Variants in ZFHX3 observed in about 807,000 individuals in gnomAD.
ZFHX3 encodes the protein zinc finger homeobox 3, also known as zinc finger homeobox protein 3.
A neutral mutation model predicts 279.1 loss-of-function variants in ZFHX3; 42 were observed. That is an observed-to-expected ratio of 0.15 (90% CI 0.12 to 0.19). The LOEUF is 0.19. ZFHX3 is among the 10% of genes least tolerant of loss of function. The pLI is 1.00. For missense variants in ZFHX3, 4,981 were observed against 4,754.0 expected (o/e 1.05, Z -1.40); for synonymous variants, 2,293 against 1,957.8 (o/e 1.17, Z -4.52).
intron 2 of ZFHX3, among the ~76,000 whole-genome samples, chr16:73,505,648 C>T (rs1246023716): frequency 6.6e-6 from 1 of 152,084 alleles, no homozygotes. Context: ...CTAAAGGAGC[C>T]GACACTTAAT....
intron 4 of ZFHX3, among the ~76,000 whole-genome samples, chr16:73,307,246 G>A (rs1250650848): frequency 6.6e-6 from 1 of 152,184 alleles, no homozygotes; most frequent in Admixed American, 6.6e-5. Flanking sequence ...TGGGCTTCCT[G>A]CCTGCTGAAT....
At chr16:73,770,213 A>C (rs1158382960) in intron 1 of ZFHX3, among the ~76,000 whole-genome samples, 3 of 152,230 alleles carry the variant, frequency 2.0e-5, no homozygotes, top group Non-Finnish European at 2.9e-5. Context: ...TGACTTAAGA[A>C]TCAGAGTCAG....
intron 5 of ZFHX3, among the ~76,000 whole-genome samples, chr16:72,818,939 C>T (rs1040233195): frequency 6.6e-6 from 1 of 152,222 alleles, no homozygotes; most frequent in African/African-American, 2.4e-5. Flanking sequence ...TTATACTACA[C>T]ATAGGTATAA....
intron 3 of ZFHX3, among the ~76,000 whole-genome samples, chr16:72,915,827 G>A (rs1273416880): frequency 1.3e-5 from 2 of 151,924 alleles, no homozygotes; most frequent in Non-Finnish European, 2.9e-5. Context: ...TTTATAAAAT[G>A]CAGAAAAGTG....
chr16:72,818,697 C>T (rs1347728460), intron 5 of ZFHX3, among the ~76,000 whole-genome samples: 1 of 152,180 alleles, frequency 6.6e-6, no homozygotes, highest in African/African-American at 2.4e-5. Context: ...TTCTCTCTTC[C>T]CTAATCAAAG....
At chr16:72,829,479 C>T in intron 5 of ZFHX3, 1 of 339,242 alleles carries the variant, frequency 2.9e-6, no homozygotes, top group African/African-American at 2.1e-5. Context: ...TGACCAACAC[C>T]CAGATGCCCT....
chr16:73,614,344 C>T (rs1000970726), intron 2 of ZFHX3, among the ~76,000 whole-genome samples: 4 of 152,204 alleles, frequency 2.6e-5, no homozygotes, highest in African/African-American at 7.2e-5. Context: ...ATGCAGTTTT[C>T]CCAGGAGTGG....
intron 1 of ZFHX3, among the ~76,000 whole-genome samples, chr16:73,799,990 C>T (rs1960096836): frequency 6.6e-6 from 1 of 151,982 alleles, no homozygotes; most frequent in South Asian, 2.1e-4. Context: ...TCAGCCTAAG[C>T]AACATAGCAA....
intron 2 of ZFHX3, among the ~76,000 whole-genome samples, chr16:73,665,911 G>C (rs1281863400): frequency 6.8e-6 from 1 of 147,812 alleles, no homozygotes; most frequent in Admixed American, 6.9e-5. Context: ...TGCCTCCCGG[G>C]TTCATGCCAT....
chr16:73,062,965 T>C (rs1256980688), upstream of ZFHX3, among the ~76,000 whole-genome samples: 1 of 152,240 alleles, frequency 6.6e-6, no homozygotes, highest in Non-Finnish European at 1.5e-5. Context: ...GTCTGGGTAG[T>C]TAACATGATC....
At chr16:73,811,603 C>T (rs753320670) in intron 1 of ZFHX3, among the ~76,000 whole-genome samples, 12 of 151,894 alleles carry the variant, frequency 7.9e-5, no homozygotes, top group African/African-American at 1.5e-4. Context: ...CGCGCCAACA[C>T]GCCTGGCTAA....
intron 4 of ZFHX3, among the ~76,000 whole-genome samples, chr16:73,306,950 T>C (rs2015196508): frequency 6.6e-6 from 1 of 152,216 alleles, no homozygotes; most frequent in African/African-American, 2.4e-5. Flanking sequence ...CCTTCACTGA[T>C]CAAGTTACCA....
intron 1 of ZFHX3, among the ~76,000 whole-genome samples, chr16:73,728,504 T>C (rs376483819): frequency 1.3e-5 from 2 of 152,336 alleles, no homozygotes. Context: ...TTTGCTGTTC[T>C]AGGGCTAATG....
intron 1 of ZFHX3, among the ~76,000 whole-genome samples, chr16:73,803,699 A>G (rs1960198285): frequency 1.3e-5 from 2 of 152,232 alleles, no homozygotes; most frequent in African/African-American, 4.8e-5. Flanking sequence ...TACAATTACT[A>G]AAAAGAACAA....
intron 4 of ZFHX3, among the ~76,000 whole-genome samples, chr16:72,865,846 T>G (rs2038006582): frequency 6.6e-6 from 1 of 152,132 alleles, no homozygotes; most frequent in South Asian, 2.1e-4. Context: ...ACGCCACTCA[T>G]GCTCCTTTGA....
intron 1 of ZFHX3, among the ~76,000 whole-genome samples, chr16:73,868,900 CT>C (rs1328809332): frequency 6.6e-6 from 1 of 152,052 alleles, no homozygotes; most frequent in African/African-American, 2.4e-5. Context: ...AGCTATTGAC[CT>C]GCTTTTAAAA....
intron 1 of ZFHX3, among the ~76,000 whole-genome samples, chr16:73,858,106 AAAGAAG>A (rs1269870037): frequency 2.0e-5 from 3 of 151,912 alleles, no homozygotes; most frequent in Middle Eastern, 3.4e-3. Context: ...AAAAAAAAAA[AAAGAAG>A]AAGAAGAAGA....
intron 3 of ZFHX3, among the ~76,000 whole-genome samples, chr16:73,337,316 T>A (rs1349850564): frequency 1.3e-5 from 2 of 152,154 alleles, no homozygotes; most frequent in Non-Finnish European, 2.9e-5. Context: ...CCTCTACACG[T>A]TCTGGCGACT....
At chr16:72,871,719 C>G (rs577398396) in intron 4 of ZFHX3, among the ~76,000 whole-genome samples, 1 of 151,548 alleles carries the variant, frequency 6.6e-6, no homozygotes, top group Admixed American at 6.6e-5. Flanking sequence ...TCATGTGATC[C>G]GCCCGCCTCA....
Sources: allele counts gnomAD v4.1 joint callset (sites outside exome capture counted in the v4.1 genomes callset), GRCh38; gene constraint gnomAD v4.1.1; transcripts MANE v1.5; gene names NCBI Gene and HGNC (gene_info 2026-07-23, HGNC 2026-07-21).